Variants in SGCD observed in about 807,000 individuals in gnomAD.
The protein encoded by SGCD is sarcoglycan delta.
A neutral mutation model predicts 36.6 loss-of-function variants in SGCD; 18 were observed. The observed-to-expected ratio is 0.49, with a 90% CI of 0.34 to 0.73. The LOEUF (loss-of-function observed/expected upper bound fraction) is 0.73, where lower values mean the gene tolerates loss of function less well. Ranked by LOEUF, SGCD falls within the 30% of genes least tolerant of loss-of-function variation. The probability of loss-of-function intolerance (pLI) is 0.01; values close to 1 mark genes in which losing one functional copy is unlikely to be tolerated. For missense variants in SGCD, 387 were observed against 346.7 expected (o/e 1.12, Z -0.92); for synonymous variants, 133 against 130.6 (o/e 1.02, Z -0.12).
intron 3 of SGCD, among the ~76,000 whole-genome samples, chr5:156,155,574 T>C (rs964936314): frequency 7.1e-6 from 1 of 140,510 alleles, no homozygotes; most frequent in Admixed American, 7.2e-5. Context: ...AACACCAAAT[T>C]ATGGAAAGCC....
chr5:156,431,420 C>T (rs1753005587), intron 3 of SGCD, among the ~76,000 whole-genome samples: 1 of 152,098 alleles, frequency 6.6e-6, no homozygotes, highest in Non-Finnish European at 1.5e-5. Context: ...AGGAGAAGCC[C>T]CAGCTTTGTC....
At chr5:156,487,773 G>T (rs1479092243) in intron 3 of SGCD, among the ~76,000 whole-genome samples, 1 of 104,266 alleles carries the variant, frequency 9.6e-6, no homozygotes. Context: ...GGGCAACAGA[G>T]TGAGACTCTG....
chr5:156,308,391 C>T (rs149076752), intron 3 of SGCD, among the ~76,000 whole-genome samples: 3,785 of 151,926 alleles, frequency 0.025, 64 homozygotes, highest in African/African-American at 0.041. Context: ...CTCCGCCTCC[C>T]GGGTTCACGC....
chr5:156,486,690 A>G (rs1313731333), intron 3 of SGCD, among the ~76,000 whole-genome samples: 3 of 152,090 alleles, frequency 2.0e-5, no homozygotes, highest in Non-Finnish European at 4.4e-5. Flanking sequence ...ACCTGCCACC[A>G]TTGGCACCTG....
intron 3 of SGCD, among the ~76,000 whole-genome samples, chr5:156,211,789 T>A (rs1411358180): frequency 6.6e-6 from 1 of 152,032 alleles, no homozygotes; most frequent in Non-Finnish European, 1.5e-5. Context: ...ACAAAATTAT[T>A]TAAAAAGCAA....
chr5:156,050,636 C>T (rs1397969582), intron 1 of SGCD, among the ~76,000 whole-genome samples: 3 of 146,380 alleles, frequency 2.0e-5, no homozygotes, highest in African/African-American at 7.4e-5. Context: ...ACCACAAATG[C>T]AGTGGCTTAA....
Position 155,959,466 on chromosome 5 carries a change from C to T in SGCD, c.-282+89042C>T, listed in dbSNP as rs190105318. Among the ~76,000 whole-genome samples the T allele has an allele frequency of 1.6e-3, 251 of 152,224 alleles. 1 individual carries two copies. The highest frequency in any genetic ancestry group is 2.8e-3 in the Non-Finnish European group (190 of 67,986). ...TAGGGGGATCTGAGTAGTAGCTTCT[C>T]TTTGTGGAATCTTTCTCTTTGAATA... On this transcript the variant is annotated intron_variant, in intron 1 of 9. Transcript: ENST00000517913.
chr5:156,005,686 A>C (rs1022943667), intron 1 of SGCD, among the ~76,000 whole-genome samples: 14 of 152,144 alleles, frequency 9.2e-5, no homozygotes, highest in African/African-American at 3.1e-4. Flanking sequence ...TCCTGACCTC[A>C]TGATCCGCCC....
At chr5:156,075,299 A>G (rs1359260193) in intron 1 of SGCD, among the ~76,000 whole-genome samples, 1 of 152,248 alleles carries the variant, frequency 6.6e-6, no homozygotes, top group Non-Finnish European at 1.5e-5. Context: ...CATATTGAAT[A>G]GTAAAACATG....
At chr5:156,118,573 A>C (rs1314998944) in intron 2 of SGCD, among the ~76,000 whole-genome samples, 1 of 152,148 alleles carries the variant, frequency 6.6e-6, no homozygotes, top group East Asian at 1.9e-4. Context: ...CATGTTTAAA[A>C]GTTTATGAGA....
intron 1 of SGCD, among the ~76,000 whole-genome samples, chr5:156,069,251 T>C (rs1760451050): frequency 6.6e-6 from 1 of 152,138 alleles, no homozygotes; most frequent in African/African-American, 2.4e-5. Flanking sequence ...GTTTTTATGG[T>C]TTTAGGTCTA....
intron 3 of SGCD, among the ~76,000 whole-genome samples, chr5:156,227,091 C>A (rs1229715383): frequency 6.6e-6 from 1 of 152,060 alleles, no homozygotes; most frequent in African/African-American, 2.4e-5. Context: ...TGCAAAAGAT[C>A]ATTAGTTTAA....
At chr5:155,809,240 T>G in the SGCD span, among the ~76,000 whole-genome samples, 1 of 152,220 alleles carries the variant, frequency 6.6e-6, no homozygotes, top group Admixed American at 6.5e-5. Context: ...GGAAGCGATG[T>G]GATGCATTTT....
At chr5:156,754,939 T>C (rs73304951) in intron 7 of SGCD, among the ~76,000 whole-genome samples, 4,053 of 152,294 alleles carry the variant, frequency 0.027, 173 homozygotes, top group African/African-American at 0.093. Context: ...ATAAGTAACA[T>C]ATTCAAAACT....
Position 156,344,395 on chromosome 5 carries a change from A to C in SGCD, c.4-94A>C. The C allele has an allele frequency of 1.2e-5, 10 of 842,560 alleles. 1 individual carries two copies. Among genetic ancestry groups the C allele is most frequent in the Non-Finnish European group, 1.8e-5 (10 of 545,290 alleles). The allele number at this position is 842,560 out of a possible 1,614,324, so 52.2% of individuals were successfully genotyped here. A position where few individuals can be genotyped will look rare whatever the true frequency, so the allele number is the denominator to read the frequency against. On this transcript the variant is annotated intron_variant, in intron 2 of 8. Transcript: ENST00000337851. Reference sequence around the variant, plus strand: ...ATAAAAGTAGACAGCAGCCAGCCATATCTCTTCATCAGTTGATTTTTTTTT... The same window carrying C: ...ATAAAAGTAGACAGCAGCCAGCCATCTCTCTTCATCAGTTGATTTTTTTTT...
chr5:156,261,196 C>T lies in SGCD; in HGVS notation c.-43-68338C>T, dbSNP rs569615051. ...TTGGAATTGGCCTTTTCAATGTTTT[C>T]TGAGTTTCTATAGTATTAAGATTGT... On this transcript the variant is annotated intron_variant, in intron 3 of 9. Transcript: ENST00000517913. Among the ~76,000 whole-genome samples the T allele has an allele frequency of 3.3e-4, 50 of 152,154 alleles. 1 individual carries two copies. The highest frequency in any genetic ancestry group is 6.8e-3 in the Middle Eastern group (2 of 294).
chr5:156,021,686 G>A lies in SGCD; in HGVS notation c.-281-96192G>A, dbSNP rs1015562698. ...GGCCTCGGCAACCTGTGGTGGGTTG[G>A]AGGTAGCGGAAACGGTGGGAGGGTG... On this transcript the variant is annotated intron_variant, in intron 1 of 9. Coordinates refer to the SGCD transcript ENST00000517913. Among the ~76,000 whole-genome samples the A allele has an allele frequency of 1.2e-4, 19 of 152,222 alleles. No individual in the cohort carries two copies. In the East Asian group the frequency reaches 3.5e-3, roughly 28 times the overall value.
chr5:156,559,251 T>C (rs1490397345), intron 4 of SGCD, among the ~76,000 whole-genome samples: 1 of 152,118 alleles, frequency 6.6e-6, no homozygotes, highest in Non-Finnish European at 1.5e-5. Context: ...TTTTCCATCA[T>C]GAAGACATCC....
chr5:156,236,649 C>T lies in SGCD; in HGVS notation c.-43-92885C>T, dbSNP rs372419204. Among the ~76,000 whole-genome samples the T allele has an allele frequency of 5.3e-5, 8 of 151,858 alleles. No homozygotes were observed. In the East Asian group the frequency reaches 9.7e-4, roughly 18 times the overall value. Reference sequence around the variant, plus strand: ...ATTTTTAGTAGAGATGGGGTTTCACCGTGTTAGCCAGGATGGTCTCGATCT... The same window carrying T: ...ATTTTTAGTAGAGATGGGGTTTCACTGTGTTAGCCAGGATGGTCTCGATCT... On this transcript the variant is annotated intron_variant, in intron 3 of 9. Transcript: ENST00000517913.
Sources: gnomAD v4.1 joint callset for allele counts (sites outside exome capture counted in the v4.1 genomes callset) on GRCh38, gnomAD v4.1.1 for gene constraint, MANE v1.5 for transcripts, NCBI Gene and HGNC (gene_info 2026-07-23, HGNC 2026-07-21) for gene names.